Variants in ZNF212 observed in about 807,000 individuals in gnomAD.
The protein encoded by ZNF212 is Zinc finger protein C2H2-150.
In ZNF212, 32 loss-of-function variants were observed where a neutral mutation model predicts 47.3. That is an observed-to-expected ratio of 0.68 (90% CI 0.51 to 0.91). The LOEUF (loss-of-function observed/expected upper bound fraction) is 0.91. Among genes scored for constraint, ZNF212 ranks in the 40% least tolerant of loss-of-function variants. The pLI is 0.00. For synonymous variants in ZNF212, 242 were observed against 253.8 expected, an observed-to-expected ratio of 0.95 and a Z score of 0.44; for missense variants, 555 against 622.8, an observed-to-expected ratio of 0.89 and a Z score of 1.16.
chr7:149,249,828 C>T (rs1193623191), intron 1 of ZNF212, among the ~76,000 whole-genome samples: 1 of 152,146 alleles, frequency 6.6e-6, no homozygotes, highest in Non-Finnish European at 1.5e-5. Flanking sequence ...CAGGGTTTGC[C>T]TTGTTGGCCA....
Position 149,239,783 on chromosome 7 carries a change from C to T in ZNF212, c.5C>T (p.Ala2Val), listed in dbSNP as rs748788046. 2.1e-5 allele frequency: 27 copies of T among 1,275,130 alleles called. No homozygotes were observed. The highest frequency in any genetic ancestry group is 3.0e-5 in the African/African-American group (2 of 65,626). 79.0% of individuals were successfully genotyped at this position (1,275,130 alleles called of 1,614,324 possible). A position where few individuals can be genotyped will look rare whatever the true frequency, so the allele number is the denominator to read the frequency against. ...TGTTGAGGGGCGACTGGAGCCATGG[C>T]GGAGTCGGCGCCTGCTCGGGTAAAG... M[A>V]ESAPARHRRK... The change falls in exon 1 of 5, where the codon GCG (alanine) becomes GTG (valine). Residue 2 changes from alanine to valine, a missense_variant. Physicochemically the swap from Ala to Val is moderately conservative, Grantham distance 64. Coordinates refer to ENST00000335870, the MANE Select transcript of ZNF212 (RefSeq NM_012256.4).
rs746010534 is a variant in ZNF212, at chr7:149,253,981, A to G, written c.1054A>G (p.Ser352Gly). The change falls in exon 5 of 5, where the codon AGC becomes GGC. Residue 352 changes from serine to glycine, a missense_variant. Physicochemically the swap from Ser to Gly is moderately conservative, Grantham distance 56. Coordinates refer to ENST00000335870, the MANE Select transcript of ZNF212 (RefSeq NM_012256.4). ...GSCTPEEPEE[S>G]LRPRPRLKPQ... ...TTGTACACCTGAGGAGCCAGAGGAG[A>G]GCCTTAGGCCCAGGCCACGGCTGAA... is the stretch of plus-strand genomic sequence containing the variant. 1.2e-6 allele frequency: 2 copies of G among 1,613,798 alleles called. No individual in the cohort carries two copies. Among genetic ancestry groups the G allele is most frequent in the Non-Finnish European group, 1.7e-6 (2 of 1,179,920 alleles).
intron 1 of ZNF212, among the ~76,000 whole-genome samples, chr7:149,247,910 T>C (rs765649610): frequency 6.6e-6 from 1 of 152,166 alleles, no homozygotes; most frequent in African/African-American, 2.4e-5. Flanking sequence ...AAGTTCAAGA[T>C]TGGGCAGCTG....
At position 149,239,804 on chromosome 7, in the gene ZNF212, TA is replaced by T. The variant is rs372296268; in HGVS notation, c.24+5del. ...ATGGCGGAGTCGGCGCCTGCTCGGG[TA>T]AAGAGGCACCGGCGCGCTGGCTCGA... On this transcript the variant is annotated splice_donor_region_variant and intron_variant, in intron 1 of 4. Coordinates refer to ENST00000335870, the MANE Select transcript of ZNF212 (RefSeq NM_012256.4). 1.1e-3 allele frequency: 1,400 copies of T among 1,274,108 alleles called. 13 individuals are homozygous for T. The African/African-American group carries it at 0.019, about 17-fold the overall frequency. The allele number at this position is 1,274,108 out of a possible 1,614,324, so 78.9% of individuals were successfully genotyped here.
intron 1 of ZNF212, among the ~76,000 whole-genome samples, chr7:149,240,521 C>T (rs1330128922): frequency 6.6e-6 from 1 of 152,104 alleles, no homozygotes; most frequent in Non-Finnish European, 1.5e-5. Context: ...TTTTAGGCAA[C>T]TGTGTTCGCT....
At chr7:149,253,440 G>A (rs1402204227) in intron 4 of ZNF212, 119 bp from the exon 5 acceptor site, 2 of 1,291,096 alleles carry the variant, frequency 1.5e-6, no homozygotes, top group Non-Finnish European at 2.1e-6. Flanking sequence ...CCTCCTCCAC[G>A]TTATCCTAAT....
At position 149,239,768 on chromosome 7, in the gene ZNF212, C is replaced by A; in HGVS notation, c.-11C>A. On this transcript the variant is annotated 5_prime_UTR_variant, in exon 1 of 5. Coordinates refer to ENST00000335870, the MANE Select transcript of ZNF212 (RefSeq NM_012256.4). Reference sequence around the variant, plus strand: ...GAGGCGGGGTCTGGGTGTTGAGGGGCGACTGGAGCCATGGCGGAGTCGGCG... The same window carrying A: ...GAGGCGGGGTCTGGGTGTTGAGGGGAGACTGGAGCCATGGCGGAGTCGGCG... 1 of 1,275,892 alleles carries A rather than the reference C, an allele frequency of 7.8e-7. No individual in the cohort carries two copies. Among genetic ancestry groups the A allele is most frequent in the Non-Finnish European group, 1.0e-6 (1 of 1,003,750 alleles). The allele number at this position is 1,275,892 out of a possible 1,614,324, so 79.0% of individuals were successfully genotyped here. A position where few individuals can be genotyped will look rare whatever the true frequency, so the allele number is the denominator to read the frequency against.
intron 1 of ZNF212, among the ~76,000 whole-genome samples, chr7:149,245,441 G>T (rs1368784217): frequency 6.6e-6 from 1 of 151,978 alleles, no homozygotes; most frequent in Non-Finnish European, 1.5e-5. Flanking sequence ...TGTTGGGTGG[G>T]GTGACTCATG....
chr7:149,240,192 G>C, intron 1 of ZNF212: 1 of 214,312 alleles, frequency 4.7e-6, no homozygotes, highest in Non-Finnish European at 9.2e-6. Context: ...GGAGACCCCA[G>C]GACTTGCCTC....
chr7:149,252,033 G>A (rs994825438), intron 3 of ZNF212, among the ~76,000 whole-genome samples: 2 of 151,840 alleles, frequency 1.3e-5, no homozygotes, highest in African/African-American at 4.8e-5. Context: ...CATTTTCTTG[G>A]TGTTTGGCCG....
At chr7:149,239,852 G>A in intron 1 of ZNF212, 50 bp downstream of exon 1, 1 of 1,264,068 alleles carries the variant, frequency 7.9e-7, no homozygotes, top group Non-Finnish European at 1.0e-6. Flanking sequence ...GGATGGCGGA[G>A]TCCCCTGCCG....
Position 149,254,884 on chromosome 7 carries a change from C to G in ZNF212, c.*469C>G, listed in dbSNP as rs965456245. On this transcript the variant is annotated 3_prime_UTR_variant, in exon 5 of 5. Transcript: ENST00000335870. This position sits in a 1 kb window ranked among gnomAD's most constrained non-coding sequence, Gnocchi z 4.5. Reference sequence around the variant, plus strand: ...TAGAAGAAATAATTTAAATGAACTGCTTAGCCCTGCTCTGAAGAACCTTTT... The same window carrying G: ...TAGAAGAAATAATTTAAATGAACTGGTTAGCCCTGCTCTGAAGAACCTTTT... The G allele has an allele frequency of 1.3e-5, 2 of 157,230 alleles. 1 individual carries two copies. Among genetic ancestry groups the G allele is most frequent in the African/African-American group, 4.8e-5 (2 of 41,570 alleles). The allele number at this position is 157,230 out of a possible 1,614,324, so 9.7% of individuals were successfully genotyped here.
Position 149,253,797 on chromosome 7 carries a change from G to T in ZNF212, c.870G>T (p.Gln290His). 1 of 1,614,152 alleles carries T rather than the reference G, an allele frequency of 6.2e-7. No individual in the cohort carries two copies. Residue 290 changes from glutamine to histidine, a missense_variant, in exon 5 of 5, where the codon CAG becomes CAT. Physicochemically the swap from Gln to His is conservative, Grantham distance 24 (BLOSUM62 0). Coordinates refer to ENST00000335870, the MANE Select transcript of ZNF212 (RefSeq NM_012256.4). ...SSSRTVGCPK[Q>H]KSHRQVQLDQ... ...GCAGAACTGTGGGCTGCCCGAAGCA[G>T]AAATCTCATAGGCAGGTACAGCTGG...
At chr7:149,245,305 TG>T (rs2129524229) in intron 1 of ZNF212, among the ~76,000 whole-genome samples, 1 of 147,276 alleles carries the variant, frequency 6.8e-6, no homozygotes, top group Non-Finnish European at 1.5e-5. Flanking sequence ...GCTGAGATCA[TG>T]CCACTGCACT....
chr7:149,241,821 G>A (rs889795387), intron 1 of ZNF212, among the ~76,000 whole-genome samples: 1 of 152,114 alleles, frequency 6.6e-6, no homozygotes, highest in Admixed American at 6.6e-5. Context: ...GAAAGTCTAA[G>A]AAGCTCCCTA....
chr7:149,249,710 C>G (rs187626881), intron 1 of ZNF212, among the ~76,000 whole-genome samples: 8 of 152,292 alleles, frequency 5.3e-5, no homozygotes, highest in Non-Finnish European at 2.9e-5. Context: ...TCACTGTAGC[C>G]TCAACCTCCT....
intron 1 of ZNF212, among the ~76,000 whole-genome samples, chr7:149,241,325 G>A (rs952367769): frequency 6.6e-6 from 1 of 151,828 alleles, no homozygotes; most frequent in Non-Finnish European, 1.5e-5. Context: ...CCAGCTACTC[G>A]GGAGGCTGAG....
At chr7:149,243,379 A>G (rs1796624147) in intron 1 of ZNF212, among the ~76,000 whole-genome samples, 1 of 141,918 alleles carries the variant, frequency 7.0e-6, no homozygotes, top group African/African-American at 2.6e-5. Flanking sequence ...GGTTGCAGTG[A>G]GCCAAGATTG....
At chr7:149,241,984 GTTTCT>G (rs1311890951) in intron 1 of ZNF212, among the ~76,000 whole-genome samples, 4 of 146,784 alleles carry the variant, frequency 2.7e-5, no homozygotes, top group East Asian at 4.0e-4. Flanking sequence ...CCATAGTTTC[GTTTCT>G]TTTCTTTCTT....
Sources: gnomAD v4.1 joint callset for allele counts (sites outside exome capture counted in the v4.1 genomes callset) on GRCh38, gnomAD v4.1.1 for gene constraint, Gnocchi (gnomAD v3.1) non-coding constraint, MANE v1.5 for transcripts, NCBI Gene and HGNC (gene_info 2026-07-23, HGNC 2026-07-21) for gene names.